The following BLNK variants were observed in gnomAD, a reference collection of about 807,000 sequenced individuals.
BLNK encodes the protein B-cell linker protein.
Under a neutral mutation model 73.5 loss-of-function variants are expected in BLNK, and 29 were observed. That is an observed-to-expected ratio of 0.39 (90% CI 0.29 to 0.54). BLNK has a LOEUF of 0.54. Ranked by LOEUF, BLNK falls within the 20% of genes least tolerant of loss-of-function variation. The pLI, the probability that BLNK is intolerant of heterozygous loss-of-function variation, is 0.61. For synonymous variants in BLNK, 176 were observed against 200.8 expected (o/e 0.88, Z 1.04); for missense variants, 460 against 562.8 (o/e 0.82, Z 1.85).
chr10:96,209,856 G>T lies in BLNK; in HGVS notation c.728C>A (p.Ser243Tyr). ...TACTTACCCGGCCCGTGGCAACGGG[G>T]ATGGTGCAGCTGGTGGAGGTGACTT... The part of the protein sequence containing the change: ...ETKSPPPAAP[S>Y]PLPRAGKKPT... Residue 243 changes from serine to tyrosine, a missense_variant, in exon 9 of 17, where the codon TCC becomes TAC. Around this residue, in one of 3 missense-constraint regions of BLNK, gnomAD observed 233 missense variants for 232.1 expected, o/e 1.00. Transcript: ENST00000224337. 1.9e-6 allele frequency: 3 copies of T among 1,614,226 alleles called. No homozygotes were observed. Among genetic ancestry groups the T allele is most frequent in the Admixed American group, 1.7e-5 (1 of 60,030 alleles).
intron 1 of BLNK, among the ~76,000 whole-genome samples, chr10:96,254,301 A>T (rs1416175184): frequency 6.6e-6 from 1 of 152,204 alleles, no homozygotes; most frequent in South Asian, 2.1e-4. Context: ...GTCTGCTTTC[A>T]ACAAGGGGAA....
intron 1 of BLNK, among the ~76,000 whole-genome samples, chr10:96,270,139 C>T (rs1844207617): frequency 6.6e-6 from 1 of 152,190 alleles, no homozygotes; most frequent in Admixed American, 6.5e-5. Context: ...CACAGCAGCA[C>T]TCAACAGCAT....
chr10:96,237,459 G>T (rs1261896115), intron 3 of BLNK, among the ~76,000 whole-genome samples: 1 of 152,142 alleles, frequency 6.6e-6, no homozygotes, highest in African/African-American at 2.4e-5. Flanking sequence ...ACCTCCCAGG[G>T]ATGCCACCCC....
intron 10 of BLNK, among the ~76,000 whole-genome samples, chr10:96,207,527 T>C (rs1397216927): frequency 1.3e-5 from 2 of 152,236 alleles, no homozygotes; most frequent in Admixed American, 6.5e-5. Context: ...TAGTGAGGCC[T>C]ATGTGTGCCT....
chr10:96,204,638 A>G, intron 11 of BLNK, 22 bp from the exon 12 acceptor site: 1 of 1,611,594 alleles, frequency 6.2e-7, no homozygotes, highest in Non-Finnish European at 8.5e-7. Context: ...AAATTATCAT[A>G]TTAGGATTAG....
chr10:96,225,970 T>C (rs1842241215), intron 5 of BLNK, among the ~76,000 whole-genome samples: 1 of 152,186 alleles, frequency 6.6e-6, no homozygotes, highest in Non-Finnish European at 1.5e-5. Flanking sequence ...AGTGAGCCAC[T>C]TAACCACCCT....
At chr10:96,246,881 G>A in intron 2 of BLNK, 103 bp downstream of exon 2, 1 of 830,676 alleles carries the variant, frequency 1.2e-6, no homozygotes, top group South Asian at 1.6e-5. Flanking sequence ...GTGCTAAAGA[G>A]GTAGAAACTT....
At position 96,200,759 on chromosome 10, in the gene BLNK, C is replaced by T. The variant is rs1554895904; in HGVS notation, c.1011+223G>A. 6.6e-6 allele frequency among the ~76,000 whole-genome samples: 1 copy of T among 152,120 alleles called. No homozygotes were observed. The highest frequency in any genetic ancestry group is 1.5e-5 in the Non-Finnish European group (1 of 68,002). ...GAGGAAGAATAATGAAAACACATTTCCTTGCTAGTTTTGAGGAAACATTAA... is the reference window on the plus strand; with the variant it reads ...GAGGAAGAATAATGAAAACACATTTTCTTGCTAGTTTTGAGGAAACATTAA... On this transcript the variant is annotated intron_variant, in intron 14 of 16. Coordinates refer to ENST00000224337, the MANE Select transcript of BLNK (RefSeq NM_013314.4). The surrounding 1 kb of genome is among the most constrained non-coding windows in gnomAD (Gnocchi z 4.3).
At chr10:96,241,684 C>G (rs6584059) in intron 3 of BLNK, among the ~76,000 whole-genome samples, 132,468 of 151,860 alleles carry the variant, frequency 0.87, 59,259 homozygotes, top group Non-Finnish European at 0.98. Flanking sequence ...GAATTCCACC[C>G]AACTTTGTGC....
chr10:96,216,739 C>T lies in BLNK; in HGVS notation c.526-5G>A. Reference sequence around the variant, plus strand: ...CACGGGGACCACATAATCAGCCTAACAGAAATACAAAACTGAATGAGAAGA... The same window carrying T: ...CACGGGGACCACATAATCAGCCTAATAGAAATACAAAACTGAATGAGAAGA... On this transcript the variant is annotated splice_polypyrimidine_tract_variant and splice_region_variant and intron_variant, in intron 6 of 16. Transcript: ENST00000224337. 2 of 1,612,686 alleles carry T rather than the reference C, an allele frequency of 1.2e-6. No homozygotes were observed. The highest frequency in any genetic ancestry group is 1.1e-5 in the South Asian group (1 of 91,046).
intron 1 of BLNK, among the ~76,000 whole-genome samples, chr10:96,255,184 G>A (rs1440769768): frequency 1.3e-5 from 2 of 152,150 alleles, no homozygotes; most frequent in African/African-American, 4.8e-5. Flanking sequence ...GCACATAGAA[G>A]GATAAACAAG....
intron 8 of BLNK, chr10:96,210,395 G>A (rs782458847): frequency 3.5e-5 from 6 of 170,718 alleles, no homozygotes; most frequent in Non-Finnish European, 7.7e-5. Flanking sequence ...ACTTAAATAC[G>A]GTAAATGCCT....
At chr10:96,256,086 C>G (rs529671115) in intron 1 of BLNK, among the ~76,000 whole-genome samples, 1 of 152,234 alleles carries the variant, frequency 6.6e-6, no homozygotes, top group Non-Finnish European at 1.5e-5. Context: ...AATCCCAGCA[C>G]TTTGGGAGGC....
At chr10:96,250,390 T>A (rs377563768) in intron 1 of BLNK, among the ~76,000 whole-genome samples, 1 of 139,320 alleles carries the variant, frequency 7.2e-6, no homozygotes, top group African/African-American at 2.7e-5. Flanking sequence ...GGGAGAGAGA[T>A]TGAGAGACAG....
In BLNK at chr10:96,200,850, A is replaced by G; in HGVS notation, c.1011+132T>C. The stretch of plus-strand genomic sequence containing the variant: ...GGTATTCTGTCCCTATTACCAAATG[A>G]CAGTTCACATAATGATGTAAAATAC... On this transcript the variant is annotated intron_variant, in intron 14 of 16. Transcript: ENST00000224337. The surrounding 1 kb of genome is among the most constrained non-coding windows in gnomAD (Gnocchi z 4.3). 1 of 867,264 alleles carries G rather than the reference A, an allele frequency of 1.2e-6. No individual in the cohort carries two copies. The highest frequency in any genetic ancestry group is 2.4e-5 in the East Asian group (1 of 41,334). The allele number at this position is 867,264 out of a possible 1,614,324, so 53.7% of individuals were successfully genotyped here.
chr10:96,268,812 G>T (rs1235527148), intron 1 of BLNK, among the ~76,000 whole-genome samples: 1 of 152,118 alleles, frequency 6.6e-6, no homozygotes, highest in Non-Finnish European at 1.5e-5. Context: ...TCAGTCCTTT[G>T]GATGGACACT....
At chr10:96,207,773 G>A (rs1159896623) in intron 10 of BLNK, 99 bp downstream of exon 10, 34 of 1,415,316 alleles carry the variant, frequency 2.4e-5, no homozygotes, top group Non-Finnish European at 3.4e-5. Context: ...TAAGATTGCT[G>A]TGTTCACCAT....
chr10:96,246,544 C>G (rs2134091730), intron 2 of BLNK, among the ~76,000 whole-genome samples: 1 of 152,276 alleles, frequency 6.6e-6, no homozygotes, highest in Non-Finnish European at 1.5e-5. Context: ...AAGAGCGAAA[C>G]TCCATCTCAA....
intron 4 of BLNK, among the ~76,000 whole-genome samples, chr10:96,229,992 A>G (rs1554903642): frequency 6.6e-6 from 1 of 152,018 alleles, no homozygotes; most frequent in Non-Finnish European, 1.5e-5. Context: ...CAGTTTTCTT[A>G]TCTGTGAAAT....
Sources: gnomAD v4.1 joint callset for allele counts (sites outside exome capture counted in the v4.1 genomes callset) on GRCh38, gnomAD v4.1.1 for gene constraint, gnomAD v4.1.1 regional missense constraint, Gnocchi (gnomAD v3.1) non-coding constraint, MANE v1.5 for transcripts, NCBI Gene and HGNC (gene_info 2026-07-23, HGNC 2026-07-21) for gene names.